The following GULP1 variants were observed in gnomAD, a reference collection of about 807,000 sequenced individuals.
GULP1 encodes PTB domain-containing engulfment adapter protein 1.
GULP1 carries 19 observed loss-of-function variants against 40.9 expected under a neutral mutation model. The ratio of observed to expected loss-of-function variants is 0.46; its 90% CI spans 0.32 to 0.68. GULP1 has a LOEUF of 0.68. GULP1 is among the 30% of genes least tolerant of loss of function. The pLI, the probability that GULP1 is intolerant of heterozygous loss-of-function variation, is 0.03. For missense variants in GULP1, 312 were observed against 362.2 expected (o/e 0.86, Z 1.12); for synonymous variants, 119 against 117.6 (o/e 1.01, Z -0.08).
chr2:188,559,432 G>A (rs186322926), intron 7 of GULP1, among the ~76,000 whole-genome samples: 81 of 152,318 alleles, frequency 5.3e-4, no homozygotes, highest in Admixed American at 1.3e-3. Context: ...GAACTATGCC[G>A]CAGGGGTGGG....
intron 1 of GULP1, among the ~76,000 whole-genome samples, chr2:188,325,995 A>G (rs1243195872): frequency 2.0e-5 from 3 of 152,254 alleles, no homozygotes; most frequent in African/African-American, 7.2e-5. Context: ...TCCTTAAAAT[A>G]TAGTTGCAGA....
At chr2:188,499,133 G>GTATATATATATATATATATA (rs778858143) in intron 4 of GULP1, among the ~76,000 whole-genome samples, 1 of 120,716 alleles carries the variant, frequency 8.3e-6, no homozygotes. Context: ...ATATATGTGT[G>GTATATATATATATATATATA]TGTATATATA....
intron 1 of GULP1, among the ~76,000 whole-genome samples, chr2:188,350,557 G>T (rs1226432937): frequency 6.6e-6 from 1 of 151,862 alleles, no homozygotes; most frequent in Non-Finnish European, 1.5e-5. Context: ...TTTATTAGTT[G>T]TCATAGGTTT....
intron 4 of GULP1, among the ~76,000 whole-genome samples, chr2:188,504,567 A>G (rs1005804323): frequency 1.3e-5 from 2 of 151,940 alleles, no homozygotes; most frequent in Non-Finnish European, 2.9e-5. Flanking sequence ...GTATTTCTCC[A>G]AAGTACTTAA....
At chr2:188,389,126 C>T (rs574766583) in intron 2 of GULP1, among the ~76,000 whole-genome samples, 1 of 152,228 alleles carries the variant, frequency 6.6e-6, no homozygotes, top group East Asian at 1.9e-4. Flanking sequence ...ATGACAGGCA[C>T]AGAAATGGGG....
chr2:188,563,578 A>G (rs1285990193), intron 7 of GULP1, among the ~76,000 whole-genome samples: 2 of 150,960 alleles, frequency 1.3e-5, no homozygotes, highest in African/African-American at 4.8e-5. Flanking sequence ...TTTTTAAAAA[A>G]GATTCGGAAC....
intron 1 of GULP1, among the ~76,000 whole-genome samples, chr2:188,302,393 T>A (rs2036285833): frequency 6.6e-6 from 1 of 152,180 alleles, no homozygotes; most frequent in Non-Finnish European, 1.5e-5. Context: ...CACTATTTAT[T>A]GGCTGTGTGG....
chr2:188,431,657 T>C (rs960841878), intron 2 of GULP1, among the ~76,000 whole-genome samples: 3 of 152,120 alleles, frequency 2.0e-5, no homozygotes, highest in Non-Finnish European at 4.4e-5. Context: ...GTAGAAAATA[T>C]CTTTTATTAA....
intron 2 of GULP1, among the ~76,000 whole-genome samples, chr2:188,428,335 G>A (rs544207853): frequency 5.3e-5 from 8 of 152,252 alleles, no homozygotes; most frequent in South Asian, 4.1e-4. Context: ...TTGGGAAGGC[G>A]TGATTGCATT....
At chr2:188,400,836 A>G (rs1361223936) in intron 2 of GULP1, among the ~76,000 whole-genome samples, 1 of 151,962 alleles carries the variant, frequency 6.6e-6, no homozygotes, top group Non-Finnish European at 1.5e-5. Flanking sequence ...TGCTAGAGGA[A>G]TCACATGTAA....
At chr2:188,589,188 C>G (rs545571838) in intron 11 of GULP1, 2 of 151,964 alleles carry the variant, frequency 1.3e-5, no homozygotes, top group African/African-American at 4.8e-5. Context: ...AAATGAAAGC[C>G]AAATTGCAAC....
At chr2:188,394,088 G>GT (rs1352913165) in intron 2 of GULP1, among the ~76,000 whole-genome samples, 2 of 152,074 alleles carry the variant, frequency 1.3e-5, no homozygotes, top group African/African-American at 4.8e-5. Context: ...GGCCAGGAAA[G>GT]TTTTTTTCAA....
intron 2 of GULP1, among the ~76,000 whole-genome samples, chr2:188,449,960 TCTC>T (rs747584571): frequency 6.6e-6 from 1 of 152,216 alleles, no homozygotes; most frequent in Non-Finnish European, 1.5e-5. Flanking sequence ...CCTCTTTTCT[TCTC>T]TTTCAGTAGT....
At chr2:188,471,465 C>T (rs1332058310) in intron 2 of GULP1, among the ~76,000 whole-genome samples, 1 of 151,890 alleles carries the variant, frequency 6.6e-6, no homozygotes, top group Non-Finnish European at 1.5e-5. Flanking sequence ...CTCCTGTCTT[C>T]CTTTTATTGA....
chr2:188,518,805 T>A (rs1236074214), intron 4 of GULP1, among the ~76,000 whole-genome samples: 1 of 152,144 alleles, frequency 6.6e-6, no homozygotes, highest in African/African-American at 2.4e-5. Flanking sequence ...CTTTTTTTCA[T>A]CTCTTACTGC....
At chr2:188,564,837 G>A (rs1697254484) in intron 7 of GULP1, among the ~76,000 whole-genome samples, 1 of 151,840 alleles carries the variant, frequency 6.6e-6, no homozygotes, top group Non-Finnish European at 1.5e-5. Flanking sequence ...ATCAAGTCAG[G>A]GTGATATTAA....
chr2:188,471,726 A>G (rs1478865578), intron 2 of GULP1, among the ~76,000 whole-genome samples: 1 of 152,156 alleles, frequency 6.6e-6, no homozygotes, highest in Non-Finnish European at 1.5e-5. Flanking sequence ...ATCTTATTGT[A>G]CTATGTCCAG....
chr2:188,585,615 A>G (rs560357697), intron 10 of GULP1, among the ~76,000 whole-genome samples: 1 of 152,338 alleles, frequency 6.6e-6, no homozygotes, highest in South Asian at 2.1e-4. Context: ...CTTGAGCTGT[A>G]TCTTGGCCCC....
At chr2:188,541,650 C>T (rs780190073) in intron 7 of GULP1, 3 of 476,858 alleles carry the variant, frequency 6.3e-6, no homozygotes, top group Non-Finnish European at 1.1e-5. Flanking sequence ...TAGTATTATG[C>T]ACATAATACA....
Sources: allele counts gnomAD v4.1 joint callset (sites outside exome capture counted in the v4.1 genomes callset), GRCh38; gene constraint gnomAD v4.1.1; transcripts MANE v1.5; gene names NCBI Gene and HGNC (gene_info 2026-07-23, HGNC 2026-07-21).